PRUNE2: variants seen among roughly 807,000 people sequenced by gnomAD.
PRUNE2 encodes prune homolog 2 with BCH domain.
PRUNE2 carries 164 observed loss-of-function variants against 252.0 expected under a neutral mutation model. The ratio of observed to expected loss-of-function variants is 0.65; its 90% CI spans 0.57 to 0.74. The LOEUF is 0.74. Among genes scored for constraint, PRUNE2 ranks in the 30% least tolerant of loss-of-function variants. The probability of loss-of-function intolerance (pLI) is 0.00; values close to 1 mark genes in which losing one functional copy is unlikely to be tolerated. For missense variants in PRUNE2, 3,495 were observed against 3,711.0 expected, an observed-to-expected ratio of 0.94 and a Z score of 1.51; for synonymous variants, 1,292 against 1,350.2, an observed-to-expected ratio of 0.96 and a Z score of 0.94.
chr9:76,797,668 C>T (rs959421499), intron 6 of PRUNE2, among the ~76,000 whole-genome samples: 2 of 151,488 alleles, frequency 1.3e-5, no homozygotes, highest in South Asian at 2.1e-4. Context: ...GATCTTGAAC[C>T]GCCCCCCACC....
At chr9:76,635,264 G>A (rs768068571) in intron 15 of PRUNE2, among the ~76,000 whole-genome samples, 5 of 152,198 alleles carry the variant, frequency 3.3e-5, no homozygotes, top group South Asian at 2.1e-4. Context: ...GAGCCACCCC[G>A]CTTGGCTGCT....
intron 6 of PRUNE2, among the ~76,000 whole-genome samples, chr9:76,794,223 T>C (rs1004112292): frequency 3.9e-5 from 6 of 152,082 alleles, no homozygotes; most frequent in African/African-American, 1.2e-4. Flanking sequence ...AGAAAATAAA[T>C]AAATATGCTG....
chr9:76,627,791 T>C (rs1451160901), intron 16 of PRUNE2: 3 of 364,086 alleles, frequency 8.2e-6, no homozygotes, highest in Non-Finnish European at 1.6e-5. Context: ...GGTTCCTACT[T>C]ATACTGTGCA....
In PRUNE2 at chr9:76,704,214, ATTTT is replaced by A. The variant is rs763649110; in HGVS notation, c.7514-119_7514-116del. 11 of 479,844 alleles carry A rather than the reference ATTTT, an allele frequency of 2.3e-5. No homozygotes were observed. The South Asian group carries it at 1.2e-3, about 50-fold the overall frequency. The allele number at this position is 479,844 out of a possible 1,614,324, so 29.7% of individuals were successfully genotyped here. A position where few individuals can be genotyped will look rare whatever the true frequency, so the allele number is the denominator to read the frequency against. On this transcript the variant is annotated intron_variant, in intron 8 of 18. Coordinates refer to ENST00000376718, the MANE Select transcript of PRUNE2 (RefSeq NM_015225.3). ...AGAGGTAATTTAATATTTTTTATAT[ATTTT>A]ATTTATTTATTCATTCATTCATTTG...
intron 6 of PRUNE2, among the ~76,000 whole-genome samples, chr9:76,722,526 G>A (rs570396822): frequency 6.6e-6 from 1 of 152,284 alleles, no homozygotes; most frequent in South Asian, 2.1e-4. Flanking sequence ...GCCCTTTTGT[G>A]AAAATATTTT....
At chr9:76,712,162 G>T (rs762823774) in intron 7 of PRUNE2, among the ~76,000 whole-genome samples, 1 of 152,078 alleles carries the variant, frequency 6.6e-6, no homozygotes, top group Non-Finnish European at 1.5e-5. Context: ...AACATTTATT[G>T]AGTGCTTTCA....
chr9:76,836,855 C>T (rs529684652), intron 4 of PRUNE2, among the ~76,000 whole-genome samples: 3 of 152,254 alleles, frequency 2.0e-5, no homozygotes, highest in African/African-American at 7.2e-5. Flanking sequence ...ATTAGAAAAA[C>T]ACAAGCACGT....
intron 16 of PRUNE2, chr9:76,627,853 A>G (rs1181181622): frequency 2.3e-6 from 1 of 435,502 alleles, no homozygotes; most frequent in African/African-American, 2.0e-5. Context: ...ACAGGGGTTT[A>G]CTATAAGAGT....
chr9:76,670,948 G>GA (rs2041323074), intron 9 of PRUNE2, among the ~76,000 whole-genome samples: 1 of 152,144 alleles, frequency 6.6e-6, no homozygotes, highest in Non-Finnish European at 1.5e-5. Flanking sequence ...CCACAAAGAT[G>GA]GGGAAAAAAC....
At chr9:76,714,341 T>C (rs658548) in intron 6 of PRUNE2, among the ~76,000 whole-genome samples, 77,562 of 152,002 alleles carry the variant, frequency 0.51, 21,464 homozygotes, top group Middle Eastern at 0.71. Context: ...ATGTGGCTCA[T>C]ATCATTTGCA....
chr9:76,762,716 C>A (rs1440557566), intron 6 of PRUNE2, among the ~76,000 whole-genome samples: 2 of 152,144 alleles, frequency 1.3e-5, no homozygotes, highest in Non-Finnish European at 2.9e-5. Context: ...CCTACATACA[C>A]GACCACATGA....
At chr9:76,837,581 AG>A (rs1014654145) in intron 4 of PRUNE2, among the ~76,000 whole-genome samples, 1 of 151,754 alleles carries the variant, frequency 6.6e-6, no homozygotes, top group African/African-American at 2.4e-5. Context: ...AGGATAGAGC[AG>A]GGGTATTTCT....
In PRUNE2 at chr9:76,707,223, C is replaced by T. The variant is rs373685991; in HGVS notation, c.5051G>A (p.Ser1684Asn). 1.2e-6 allele frequency: 2 copies of T among 1,613,848 alleles called. No homozygotes were observed. Among genetic ancestry groups the T allele is most frequent in the South Asian group, 1.1e-5 (1 of 91,074 alleles). The part of the protein sequence containing the change: ...QPEDARVIST[S>N]SGSDDDSVGG... ...GACACTGTCATCATCAGAACCTGAG[C>T]TTGTTGAAATGACCCTGGCATCCTC... Residue 1684 changes from serine to asparagine, a missense_variant, in exon 8 of 19, where the codon AGC becomes AAC. Physicochemically the swap from Ser to Asn is conservative, Grantham distance 46 (BLOSUM62 1). Coordinates refer to ENST00000376718, the MANE Select transcript of PRUNE2 (RefSeq NM_015225.3).
At chr9:76,690,921 G>A (rs960582738) in intron 9 of PRUNE2, among the ~76,000 whole-genome samples, 4 of 152,114 alleles carry the variant, frequency 2.6e-5, no homozygotes, top group African/African-American at 9.7e-5. Context: ...CATAAAAGCC[G>A]TTTTGTTTTA....
At chr9:76,734,403 A>G (rs1199930825) in intron 6 of PRUNE2, among the ~76,000 whole-genome samples, 1 of 152,246 alleles carries the variant, frequency 6.6e-6, no homozygotes, top group Non-Finnish European at 1.5e-5. Context: ...AAGACCCTCT[A>G]GCTCTCAAAT....
chr9:76,785,689 T>G (rs1232979197), intron 6 of PRUNE2: 2 of 152,082 alleles, frequency 1.3e-5, no homozygotes, highest in Non-Finnish European at 2.9e-5. Flanking sequence ...CTCCTGGCAA[T>G]AAAGAATTTA....
chr9:76,695,675 A>G (rs1189855612), intron 9 of PRUNE2, among the ~76,000 whole-genome samples: 1 of 152,232 alleles, frequency 6.6e-6, no homozygotes, highest in East Asian at 1.9e-4. Flanking sequence ...AAATTATCAC[A>G]GTGTCATTAG....
At chr9:76,671,940 G>A (rs990245059) in intron 9 of PRUNE2, among the ~76,000 whole-genome samples, 1 of 152,180 alleles carries the variant, frequency 6.6e-6, no homozygotes, top group Non-Finnish European at 1.5e-5. Context: ...AGCAGCCACT[G>A]TAAAATCATG....
At chr9:76,822,444 T>C (rs1240862642) in intron 6 of PRUNE2, among the ~76,000 whole-genome samples, 1 of 152,210 alleles carries the variant, frequency 6.6e-6, no homozygotes, top group Non-Finnish European at 1.5e-5. Context: ...TCTGAGGATG[T>C]AGACACCAAT....
Sources: allele counts gnomAD v4.1 joint callset (sites outside exome capture counted in the v4.1 genomes callset), GRCh38; gene constraint gnomAD v4.1.1; transcripts MANE v1.5; gene names NCBI Gene and HGNC (gene_info 2026-07-23, HGNC 2026-07-21).